Variants in SETD2 observed in about 807,000 individuals in gnomAD.
SETD2 encodes the protein histone-lysine N-methyltransferase SETD2.
In SETD2, 31 loss-of-function variants were observed where a neutral mutation model predicts 242.1. The ratio of observed to expected loss-of-function variants is 0.13; its 90% CI spans 0.10 to 0.17. The LOEUF (loss-of-function observed/expected upper bound fraction) is 0.17, where lower values mean the gene tolerates loss of function less well. SETD2 is among the 10% of genes least tolerant of loss of function. The pLI is 1.00. For synonymous variants in SETD2, 1,006 were observed against 1,066.5 expected (o/e 0.94, Z 1.11); for missense variants, 2,481 against 3,046.3 (o/e 0.81, Z 4.37).
chr3:47,111,169 C>T (rs1047701967), intron 5 of SETD2, among the ~76,000 whole-genome samples: 1 of 145,146 alleles, frequency 6.9e-6, no homozygotes, highest in Non-Finnish European at 1.5e-5. Flanking sequence ...TGAAAATGTG[C>T]GTCTGGACTA....
At chr3:47,072,974 G>GAAAA (rs1209365908) in intron 12 of SETD2, among the ~76,000 whole-genome samples, 93 of 134,468 alleles carry the variant, frequency 6.9e-4, no homozygotes, top group African/African-American at 2.5e-3. Context: ...AAGAAAGAAA[G>GAAAA]AAAAAAAAAA....
At chr3:47,104,271 G>C (rs1435157721) in intron 6 of SETD2, among the ~76,000 whole-genome samples, 1 of 152,070 alleles carries the variant, frequency 6.6e-6, no homozygotes, top group African/African-American at 2.4e-5. Context: ...GCCAGGCACA[G>C]TGGTTTATGT....
At chr3:47,103,624 T>C (rs531283829) in intron 6 of SETD2, among the ~76,000 whole-genome samples, 1 of 152,276 alleles carries the variant, frequency 6.6e-6, no homozygotes, top group East Asian at 1.9e-4. Context: ...TCAGTTTCCA[T>C]TATTTCTAAC....
chr3:47,129,600 T>G (rs571024943), intron 1 of SETD2, among the ~76,000 whole-genome samples: 2 of 152,190 alleles, frequency 1.3e-5, no homozygotes, highest in African/African-American at 4.8e-5. Context: ...GAGAAGGAGA[T>G]ACAGGCTGGG....
intron 18 of SETD2, among the ~76,000 whole-genome samples, chr3:47,033,957 C>T (rs1337630171): frequency 6.6e-6 from 1 of 152,108 alleles, no homozygotes; most frequent in Non-Finnish European, 1.5e-5. Flanking sequence ...AGGCTTGAGC[C>T]ACAGGGTTTC....
intron 18 of SETD2, among the ~76,000 whole-genome samples, chr3:47,024,513 C>T (rs6767218): frequency 0.35 from 52,824 of 150,424 alleles, 9,620 homozygotes; most frequent in Middle Eastern, 0.5. Flanking sequence ...TTAGCTGGGC[C>T]TGGTGGTGCA....
At position 47,121,330 on chromosome 3, in the gene SETD2, T is replaced by A. The variant is rs2043076650; in HGVS notation, c.3306A>T (p.Glu1102Asp). The part of the protein sequence containing the change: ...QSYRHYSDHW[E>D]DERLESRRHL... ...GTCTCCTTGACTCCAATCTCTCATC[T>A]TCCCAATGGTCAGAATAGTGTCTAT... The change falls in exon 3 of 21, where the codon GAA (glutamate) becomes GAT (aspartate). Residue 1102 changes from glutamate (E) to aspartate (D), a missense_variant. Around this residue, in one of 17 missense-constraint regions of SETD2, gnomAD observed 1,300 missense variants for 1,259.2 expected, o/e 1.03. Transcript: ENST00000409792. 1.2e-6 allele frequency: 2 copies of A among 1,611,134 alleles called. No homozygotes were observed. Among genetic ancestry groups the A allele is most frequent in the Non-Finnish European group, 1.7e-6 (2 of 1,180,012 alleles).
chr3:47,062,871 A>AG (rs2040399016), intron 13 of SETD2, among the ~76,000 whole-genome samples: 1 of 152,100 alleles, frequency 6.6e-6, no homozygotes, highest in Non-Finnish European at 1.5e-5. Context: ...TAAGCCCAGG[A>AG]GTTCAAGGCA....
intron 13 of SETD2, 25 bp from the exon 14 acceptor site, chr3:47,062,371 G>GTTT: frequency 1.9e-5 from 26 of 1,366,074 alleles, no homozygotes; most frequent in Admixed American, 4.8e-5. Context: ...TGGTTTGTTT[G>GTTT]TTTTTTTTTT....
chr3:47,018,818 T>C (rs192499129), intron 19 of SETD2, among the ~76,000 whole-genome samples: 3 of 152,340 alleles, frequency 2.0e-5, no homozygotes, highest in East Asian at 3.9e-4. Context: ...TCTTGTGCTA[T>C]AGCCCATCAG....
intron 12 of SETD2, among the ~76,000 whole-genome samples, chr3:47,079,200 A>C (rs1189488445): frequency 2.6e-5 from 4 of 152,212 alleles, no homozygotes; most frequent in African/African-American, 7.2e-5. Flanking sequence ...TTAAAAGTTT[A>C]AAGTATTAAG....
chr3:47,120,880 T>C lies in SETD2; in HGVS notation c.3756A>G (p.Ser1252=), dbSNP rs2107747026. ...CCCAACCTAAGTTTCTGAGCTCTTC[T>C]GATGAGTGCAAGCCATCCACATGTG... ...EIPHVDGLHS[S]EELRNLGWDF... The change falls in exon 3 of 21, where the codon TCA becomes TCG. Residue 1252 remains serine (S), a synonymous_variant. Transcript: ENST00000409792. 1 of 1,614,226 alleles carries C rather than the reference T, an allele frequency of 6.2e-7. No individual in the cohort carries two copies. Among genetic ancestry groups the C allele is most frequent in the Non-Finnish European group, 8.5e-7 (1 of 1,180,032 alleles).
intron 6 of SETD2, among the ~76,000 whole-genome samples, chr3:47,105,306 A>G (rs942758037): frequency 2.0e-5 from 3 of 151,528 alleles, no homozygotes; most frequent in Non-Finnish European, 4.4e-5. Context: ...GCTACTCAGA[A>G]GACTGAGGCA....
chr3:47,020,382 C>T (rs866268792), intron 18 of SETD2, among the ~76,000 whole-genome samples: 3 of 152,040 alleles, frequency 2.0e-5, no homozygotes, highest in South Asian at 2.1e-4. Context: ...GGAAGTATCA[C>T]GATATTGACG....
At chr3:47,108,042 G>A (rs2042506996) in intron 5 of SETD2, among the ~76,000 whole-genome samples, 1 of 152,078 alleles carries the variant, frequency 6.6e-6, no homozygotes, top group African/African-American at 2.4e-5. Flanking sequence ...ACTTTGGGAG[G>A]CCGAGGTGGG....
chr3:47,025,492 C>CA (rs1388058337), intron 18 of SETD2, among the ~76,000 whole-genome samples: 1 of 152,178 alleles, frequency 6.6e-6, no homozygotes, highest in Admixed American at 6.6e-5. Flanking sequence ...ACCTATTATA[C>CA]AACATTACAT....
rs2107486377 is a variant in SETD2 at position 47,017,315 on chromosome 3, G to A, written c.7534-61C>T. ...AATCAGAGCAGAAATTATATGAGGG[G>A]GAGGACAGGGGTGGTAATCCAGCCT... On this transcript the variant is annotated intron_variant, in intron 20 of 20. Coordinates refer to ENST00000409792, the MANE Select transcript of SETD2 (RefSeq NM_014159.7). The surrounding 1 kb of genome is among the most constrained non-coding windows in gnomAD (Gnocchi z 4.8). 1 of 1,569,932 alleles carries A rather than the reference G, an allele frequency of 6.4e-7. No individual in the cohort carries two copies. The highest frequency in any genetic ancestry group is 1.1e-5 in the South Asian group (1 of 88,274).
Position 47,037,650 on chromosome 3 carries a change from T to G in SETD2, c.7350+16A>C. On this transcript the variant is annotated intron_variant, in intron 18 of 20. Transcript: ENST00000409792. ...CTCCCAAATGATCAGGAAATACATG[T>G]GTAAGCCACACTCACCTTCATGGGG... 1 of 1,583,050 alleles carries G rather than the reference T, an allele frequency of 6.3e-7. No homozygotes were observed. Among genetic ancestry groups the G allele is most frequent in the Non-Finnish European group, 8.7e-7 (1 of 1,152,098 alleles).
At chr3:47,096,492 A>C (rs2042009686) in intron 9 of SETD2, among the ~76,000 whole-genome samples, 1 of 150,734 alleles carries the variant, frequency 6.6e-6, no homozygotes. Flanking sequence ...GGATCACTTG[A>C]GCCCAGGAGT....
Sources: gnomAD v4.1 joint callset for allele counts (sites outside exome capture counted in the v4.1 genomes callset) on GRCh38, gnomAD v4.1.1 for gene constraint, gnomAD v4.1.1 regional missense constraint, Gnocchi (gnomAD v3.1) non-coding constraint, MANE v1.5 for transcripts, NCBI Gene and HGNC (gene_info 2026-07-23, HGNC 2026-07-21) for gene names.